The following LRRIQ1 variants were observed in gnomAD, a reference collection of about 807,000 sequenced individuals.
The protein encoded by LRRIQ1 is leucine rich repeats and IQ motif containing 1, also known as leucine-rich repeat- and IQ domain-containing protein 1.
Under a neutral mutation model 211.9 loss-of-function variants are expected in LRRIQ1, and 210 were observed. That is an observed-to-expected ratio of 0.99 (90% CI 0.89 to 1.11). The LOEUF is 1.11. Among genes scored for constraint, LRRIQ1 ranks in the 50% most tolerant of loss-of-function variants. The pLI is 0.00. For missense variants in LRRIQ1, 2,136 were observed against 1,939.5 expected (o/e 1.10, Z -1.90); for synonymous variants, 699 against 650.1 (o/e 1.08, Z -1.14).
chr12:85,213,396 T>C (rs1893932371), intron 24 of LRRIQ1, among the ~76,000 whole-genome samples: 1 of 152,010 alleles, frequency 6.6e-6, no homozygotes, highest in Non-Finnish European at 1.5e-5. Context: ...TTGGATGATT[T>C]TAAGGACATT....
At chr12:85,173,966 A>G (rs1010338256) in intron 24 of LRRIQ1, among the ~76,000 whole-genome samples, 12 of 152,160 alleles carry the variant, frequency 7.9e-5, no homozygotes, top group African/African-American at 2.4e-4. Flanking sequence ...TATAGGACTC[A>G]TGTAAGTCAC....
intron 24 of LRRIQ1, among the ~76,000 whole-genome samples, chr12:85,165,566 A>G (rs926515981): frequency 7.1e-5 from 10 of 141,548 alleles, no homozygotes; most frequent in Admixed American, 1.6e-4. Context: ...TCTGCCTCCC[A>G]GGTTCAAGCA....
Position 85,124,213 on chromosome 12 carries a change from A to G in LRRIQ1, c.3701A>G (p.His1234Arg), listed in dbSNP as rs772151491. Residue 1234 changes from histidine to arginine, a missense_variant, in exon 17 of 27, where the codon CAT becomes CGT. Physicochemically the swap from His to Arg is conservative, Grantham distance 29. Coordinates refer to ENST00000393217, the MANE Select transcript of LRRIQ1 (RefSeq NM_001079910.2). ...GATGAATCAGAAGCCCAGAAAAATC[A>G]TTTGGCCCCTACAAACAGTGACAGC... The part of the protein sequence containing the change: ...KKDESEAQKN[H>R]LAPTNSDSTL... 1 of 1,614,102 alleles carries G rather than the reference A, an allele frequency of 6.2e-7. No individual in the cohort carries two copies. Among genetic ancestry groups the G allele is most frequent in the East Asian group, 2.2e-5 (1 of 44,874 alleles).
intron 15 of LRRIQ1, among the ~76,000 whole-genome samples, chr12:85,115,439 T>TA (rs1432602499): frequency 1.6e-4 from 25 of 152,318 alleles, no homozygotes; most frequent in African/African-American, 5.8e-4. Flanking sequence ...AATTTCAAGA[T>TA]ATTGTTATAG....
chr12:85,198,422 A>G (rs1592958553), intron 24 of LRRIQ1, among the ~76,000 whole-genome samples: 1 of 151,790 alleles, frequency 6.6e-6, no homozygotes, highest in Non-Finnish European at 1.5e-5. Context: ...TTATATCCCC[A>G]CCAGCAGTGT....
At chr12:85,181,580 A>ATT (rs1280415312) in intron 24 of LRRIQ1, among the ~76,000 whole-genome samples, 1 of 151,992 alleles carries the variant, frequency 6.6e-6, no homozygotes. Flanking sequence ...TTTAGATTTA[A>ATT]TTTTAAGAAT....
At chr12:85,247,785 G>T (rs1215528263), downstream of LRRIQ1, among the ~76,000 whole-genome samples, 1 of 151,428 alleles carries the variant, frequency 6.6e-6, no homozygotes. Flanking sequence ...TTCCTTTTCT[G>T]TGTGTCAAAA....
intron 24 of LRRIQ1, among the ~76,000 whole-genome samples, chr12:85,192,444 GTATA>G (rs1487475418): frequency 1.3e-5 from 1 of 76,260 alleles, no homozygotes. Context: ...ATATATAAAT[GTATA>G]TAGTTATATA....
In LRRIQ1 at chr12:85,055,925, C is replaced by A. The variant is rs997381150; in HGVS notation, c.1132C>A (p.Leu378Ile). ...TATTGTGAAACAGGAAAGAGAGCAACTAATAAGCAAGGAAAAAATAATATT... is the reference window on the plus strand; with the variant it reads ...TATTGTGAAACAGGAAAGAGAGCAAATAATAAGCAAGGAAAAAATAATATT... ...KNIVKQEREQ[L>I]ISKEKIILRE... The change falls in exon 8 of 27, where the codon CTA becomes ATA. Residue 378 changes from leucine to isoleucine, a missense_variant. Leu to Ile is a conservative substitution (Grantham distance 5). Coordinates refer to ENST00000393217, the MANE Select transcript of LRRIQ1 (RefSeq NM_001079910.2). The A allele has an allele frequency of 2.5e-6, 4 of 1,604,820 alleles. No homozygotes were observed. The African/African-American group carries it at 4.0e-5, about 16-fold the overall frequency.
intron 26 of LRRIQ1, among the ~76,000 whole-genome samples, chr12:85,239,716 G>A (rs1416255641): frequency 7.0e-6 from 1 of 143,226 alleles, no homozygotes; most frequent in African/African-American, 3.0e-5. Flanking sequence ...GGTGGCTCGC[G>A]CTTGTAATTT....
chr12:85,096,031 A>G (rs1331976920), intron 11 of LRRIQ1, among the ~76,000 whole-genome samples: 1 of 152,088 alleles, frequency 6.6e-6, no homozygotes, highest in African/African-American at 2.4e-5. Context: ...TTCTCAAGAC[A>G]CTTATTTGGA....
At chr12:85,046,718 C>T (rs1405584816) in intron 5 of LRRIQ1, among the ~76,000 whole-genome samples, 1 of 152,102 alleles carries the variant, frequency 6.6e-6, no homozygotes, top group Non-Finnish European at 1.5e-5. Flanking sequence ...TTTATTGCGG[C>T]ACTATTCACA....
intron 11 of LRRIQ1, among the ~76,000 whole-genome samples, chr12:85,095,873 C>T (rs765796082): frequency 2.0e-5 from 3 of 152,028 alleles, no homozygotes; most frequent in Non-Finnish European, 2.9e-5. Context: ...TCCTGACTTA[C>T]TCTTGCAAGG....
intron 24 of LRRIQ1, among the ~76,000 whole-genome samples, chr12:85,191,008 A>T (rs556001491): frequency 6.6e-6 from 1 of 152,092 alleles, no homozygotes. Context: ...GTGCTGAAGT[A>T]AAAAACCATT....
At chr12:85,177,930 G>T (rs752118359) in intron 24 of LRRIQ1, among the ~76,000 whole-genome samples, 1 of 152,030 alleles carries the variant, frequency 6.6e-6, no homozygotes, top group Non-Finnish European at 1.5e-5. Flanking sequence ...ATAAATCATG[G>T]TTACCAAGTA....
chr12:85,106,675 G>T, intron 15 of LRRIQ1, 60 bp downstream of exon 15: 3 of 1,134,262 alleles, frequency 2.6e-6, no homozygotes, highest in Admixed American at 2.1e-5. Context: ...AAAAAAGTTT[G>T]ATAAAAATTG....
At chr12:85,225,608 T>A (rs1219573165) in intron 24 of LRRIQ1, among the ~76,000 whole-genome samples, 2 of 152,122 alleles carry the variant, frequency 1.3e-5, no homozygotes, top group African/African-American at 2.4e-5. Context: ...ACAGCAAGAA[T>A]CAAAGGAAGG....
intron 2 of LRRIQ1, among the ~76,000 whole-genome samples, chr12:85,040,052 T>A (rs1878685841): frequency 1.3e-5 from 2 of 151,636 alleles, no homozygotes; most frequent in South Asian, 2.1e-4. Flanking sequence ...TTGTGTATGA[T>A]AATCACAAAG....
chr12:85,264,548 A>G (rs1270172622), downstream of LRRIQ1: 1 of 152,028 alleles, frequency 6.6e-6, no homozygotes, highest in Non-Finnish European at 1.5e-5. Flanking sequence ...CAATGCTCAA[A>G]CTTATCATTT....
Sources: allele counts gnomAD v4.1 joint callset (sites outside exome capture counted in the v4.1 genomes callset), GRCh38; gene constraint gnomAD v4.1.1; transcripts MANE v1.5; gene names NCBI Gene and HGNC (gene_info 2026-07-23, HGNC 2026-07-21).